The following SLC71A2 variants were observed in gnomAD, a reference collection of about 807,000 sequenced individuals.
The protein encoded by SLC71A2 is solute carrier family 71 member 2, also known as hippocampus abundant transcript-like 1.
chr9:94,412,193 G>A, the SLC71A2 span, among the ~76,000 whole-genome samples: 1 of 152,150 alleles, frequency 6.6e-6, no homozygotes, highest in Non-Finnish European at 1.5e-5. Context: ...GCTACTAAGG[G>A]ACATTTGATT....
chr9:94,430,833 A>C, the SLC71A2 span, among the ~76,000 whole-genome samples: 1 of 152,190 alleles, frequency 6.6e-6, no homozygotes. Context: ...AAATCATATG[A>C]ATGCTGGCAG....
chr9:94,429,060 T>G, the SLC71A2 span: 1 of 1,370,282 alleles, frequency 7.3e-7, no homozygotes, highest in African/African-American at 1.5e-5. Flanking sequence ...TTTATTTTTT[T>G]GAATTTTGTT....
chr9:94,390,525 C>T, the SLC71A2 span, among the ~76,000 whole-genome samples: 44 of 151,728 alleles, frequency 2.9e-4, no homozygotes, highest in African/African-American at 1.1e-3. Context: ...ACAGTCCATT[C>T]ATTTTTAATC....
chr9:94,423,455 C>T, the SLC71A2 span, among the ~76,000 whole-genome samples: 4 of 152,294 alleles, frequency 2.6e-5, no homozygotes, highest in South Asian at 2.1e-4. Flanking sequence ...GGATAACCTT[C>T]TGAGGTCTCT....
chr9:94,411,512 A>G, the SLC71A2 span, among the ~76,000 whole-genome samples: 2 of 152,076 alleles, frequency 1.3e-5, no homozygotes, highest in African/African-American at 4.8e-5. Context: ...ATTAATGGTC[A>G]TGGCCTAGAT....
the SLC71A2 span, among the ~76,000 whole-genome samples, chr9:94,430,415 G>A: frequency 1.3e-5 from 2 of 151,528 alleles, no homozygotes; most frequent in Non-Finnish European, 2.9e-5. Context: ...TAGAGATGGG[G>A]TTTCACCATG....
chr9:94,402,407 T>TG, the SLC71A2 span, among the ~76,000 whole-genome samples: 1 of 152,100 alleles, frequency 6.6e-6, no homozygotes, highest in African/African-American at 2.4e-5. Context: ...TTTGGTTTTT[T>TG]TAATATATAT....
At chr9:94,453,443 C>T in the SLC71A2 span, among the ~76,000 whole-genome samples, 2 of 152,116 alleles carry the variant, frequency 1.3e-5, no homozygotes, top group East Asian at 1.9e-4. Context: ...CCACCACACC[C>T]GGCCAGCCCA....
the SLC71A2 span, among the ~76,000 whole-genome samples, chr9:94,403,207 G>T: frequency 6.6e-6 from 1 of 152,020 alleles, no homozygotes; most frequent in African/African-American, 2.4e-5. Flanking sequence ...CGCGATCTCG[G>T]CTCACTGCAA....
At chr9:94,395,005 C>T in the SLC71A2 span, among the ~76,000 whole-genome samples, 360 of 115,672 alleles carry the variant, frequency 3.1e-3, 4 homozygotes, top group African/African-American at 0.012. Context: ...CTTCCACCTC[C>T]TGGGTTCAGG....
At chr9:94,396,855 C>G in the SLC71A2 span, among the ~76,000 whole-genome samples, 17 of 152,320 alleles carry the variant, frequency 1.1e-4, no homozygotes, top group African/African-American at 3.8e-4. Context: ...ACCACAACCT[C>G]TGCCTCCCGG....
At chr9:94,425,245 G>C in the SLC71A2 span, among the ~76,000 whole-genome samples, 2 of 152,026 alleles carry the variant, frequency 1.3e-5, no homozygotes, top group Non-Finnish European at 2.9e-5. Flanking sequence ...TGGAGGTTGT[G>C]GTGAGCCGAG....
chr9:94,422,081 G>A, the SLC71A2 span, among the ~76,000 whole-genome samples: 5 of 152,146 alleles, frequency 3.3e-5, no homozygotes, highest in South Asian at 8.3e-4. Flanking sequence ...ATGGGGTTTC[G>A]CCATGTTGGC....
the SLC71A2 span, among the ~76,000 whole-genome samples, chr9:94,455,134 C>G: frequency 8.4e-6 from 1 of 118,566 alleles, no homozygotes; most frequent in Non-Finnish European, 1.7e-5. Flanking sequence ...TTTGGAATTT[C>G]ATTTGATCCG....
chr9:94,429,392 T>C, the SLC71A2 span: 2 of 1,328,124 alleles, frequency 1.5e-6, no homozygotes, highest in South Asian at 1.4e-5. Flanking sequence ...AGCTGGGTTA[T>C]TAAAAGTCAC....
chr9:94,429,126 G>A, the SLC71A2 span: 1 of 1,597,778 alleles, frequency 6.3e-7, no homozygotes, highest in Non-Finnish European at 8.5e-7. Context: ...CATTAAAAGA[G>A]GCAGAAAATT....
the SLC71A2 span, among the ~76,000 whole-genome samples, chr9:94,433,848 T>G: frequency 1.3e-5 from 2 of 152,266 alleles, no homozygotes; most frequent in East Asian, 3.9e-4. Context: ...GAAATGTTTT[T>G]TCTCATAAAC....
the SLC71A2 span, among the ~76,000 whole-genome samples, chr9:94,435,332 G>A: frequency 2.0e-5 from 3 of 152,058 alleles, no homozygotes; most frequent in Non-Finnish European, 2.9e-5. Flanking sequence ...ATCTGTTCTC[G>A]TATACTCTAC....
chr9:94,406,066 A>ATTTTTTTTTTTTTTT, the SLC71A2 span, among the ~76,000 whole-genome samples: 2 of 63,618 alleles, frequency 3.1e-5, no homozygotes, highest in African/African-American at 7.5e-5. Flanking sequence ...TGCAACTTGA[A>ATTTTTTTTTTTTTTT]TTTTTTTTTT....
Sources: allele counts gnomAD v4.1 joint callset (sites outside exome capture counted in the v4.1 genomes callset), GRCh38; gene constraint gnomAD v4.1.1; transcripts MANE v1.5; gene names NCBI Gene and HGNC (gene_info 2026-07-23, HGNC 2026-07-21).